Variants in HEATR5A observed in about 807,000 individuals in gnomAD.
The protein encoded by HEATR5A is HEAT repeat containing 5A, also known as HEAT repeat-containing protein 5A.
Under a neutral mutation model 218.8 loss-of-function variants are expected in HEATR5A, and 178 were observed. The ratio of observed to expected loss-of-function variants is 0.81; its 90% CI spans 0.72 to 0.92. The LOEUF is 0.92. HEATR5A is among the 40% of genes least tolerant of loss of function. The probability of loss-of-function intolerance (pLI) is 0.00; values close to 1 mark genes in which losing one functional copy is unlikely to be tolerated. For missense variants in HEATR5A, 2,420 were observed against 2,418.9 expected, an observed-to-expected ratio of 1.00 and a Z score of -0.01; for synonymous variants, 864 against 871.6, an observed-to-expected ratio of 0.99 and a Z score of 0.15.
At chr14:31,300,398 A>G (rs1899332035) in intron 33 of HEATR5A, among the ~76,000 whole-genome samples, 1 of 151,400 alleles carries the variant, frequency 6.6e-6, no homozygotes, top group Non-Finnish European at 1.5e-5. Context: ...AGCGATTCCT[A>G]GAATCCATTT....
At chr14:31,340,714 A>C (rs992984349) in intron 21 of HEATR5A, among the ~76,000 whole-genome samples, 1 of 152,242 alleles carries the variant, frequency 6.6e-6, no homozygotes, top group Non-Finnish European at 1.5e-5. Flanking sequence ...TAATTTTAAA[A>C]TGTACATGTG....
intron 22 of HEATR5A, among the ~76,000 whole-genome samples, chr14:31,337,186 G>A (rs902353548): frequency 2.6e-5 from 4 of 152,122 alleles, no homozygotes; most frequent in African/African-American, 7.2e-5. Context: ...AATACAGATT[G>A]CCAGGTAATA....
At chr14:31,394,342 T>C in intron 5 of HEATR5A, 116 bp from the exon 6 acceptor site, 1 of 530,806 alleles carries the variant, frequency 1.9e-6, no homozygotes, top group Non-Finnish European at 3.2e-6. Context: ...ATTCAAAGTA[T>C]CTATTATGAT....
At position 31,405,983 on chromosome 14, in the gene HEATR5A, T is replaced by A. The variant is rs1412738118; in HGVS notation, c.-74-2934A>T. On this transcript the variant is annotated intron_variant, in intron 1 of 35. Coordinates refer to ENST00000543095, the MANE Select transcript of HEATR5A (RefSeq NM_015473.4). ...ATTACTCCTAAAGGAAGTAGACAATTCATGTTGGTAATCTCGCATCTAAAA... is the reference window on the plus strand; with the variant it reads ...ATTACTCCTAAAGGAAGTAGACAATACATGTTGGTAATCTCGCATCTAAAA... 3.9e-5 allele frequency among the ~76,000 whole-genome samples: 6 copies of A among 152,178 alleles called. 1 individual carries two copies. Among genetic ancestry groups the A allele is most frequent in the Middle Eastern group, 3.2e-3 (1 of 316 alleles).
At chr14:31,368,912 A>T (rs1011371059) in intron 13 of HEATR5A, among the ~76,000 whole-genome samples, 1 of 152,142 alleles carries the variant, frequency 6.6e-6, no homozygotes, top group African/African-American at 2.4e-5. Flanking sequence ...AGAGTAAAAG[A>T]TTAATACATT....
At chr14:31,397,596 T>C (rs1475674501) in intron 4 of HEATR5A, among the ~76,000 whole-genome samples, 2 of 151,260 alleles carry the variant, frequency 1.3e-5, no homozygotes, top group African/African-American at 2.4e-5. Flanking sequence ...GAGGCGGAGA[T>C]TGTAGTGAGC....
Position 31,304,955 on chromosome 14 carries a change from GAA to G in HEATR5A, c.5187_5188del (p.Ala1731CysfsTer15). On this transcript the variant is annotated frameshift_variant, in exon 32 of 36. Coordinates refer to ENST00000543095, the MANE Select transcript of HEATR5A (RefSeq NM_015473.4). LOFTEE classifies it high-confidence loss of function. ...TTCGGAAAGGATAACCAATGCAGCTGAAACCAATCTACTTCCATCTTCTAATA... is the reference window on the plus strand; with the variant it reads ...TTCGGAAAGGATAACCAATGCAGCTGACCAATCTACTTCCATCTTCTAATA... 1 of 1,614,008 alleles carries G rather than the reference GAA, an allele frequency of 6.2e-7. No individual in the cohort carries two copies. The highest frequency in any genetic ancestry group is 8.5e-7 in the Non-Finnish European group (1 of 1,179,882).
At position 31,293,338 on chromosome 14, in the gene HEATR5A, G is replaced by GT; in HGVS notation, c.6107dup (p.Asn2036LysfsTer18). On this transcript the variant is annotated frameshift_variant, in exon 36 of 36. Coordinates refer to ENST00000543095, the MANE Select transcript of HEATR5A (RefSeq NM_015473.4). LOFTEE classifies it high-confidence loss of function. ...AACTGGTCTTTAATTGGATGCTTGA[G>GT]TTTTTTCCAGGACTCTTAGTATATT... 1.3e-6 allele frequency: 2 copies of GT among 1,595,706 alleles called. No homozygotes were observed. Among genetic ancestry groups the GT allele is most frequent in the Non-Finnish European group, 1.7e-6 (2 of 1,174,640 alleles).
chr14:31,330,869 T>C (rs866666170), intron 22 of HEATR5A, among the ~76,000 whole-genome samples: 2 of 151,382 alleles, frequency 1.3e-5, no homozygotes, highest in Non-Finnish European at 2.9e-5. Context: ...CCCCAGAAAA[T>C]GGGGTTTTCT....
At position 31,323,693 on chromosome 14, in the gene HEATR5A, T is replaced by C. The variant is rs1259244269; in HGVS notation, c.3659A>G (p.Asn1220Ser). 2 of 1,613,638 alleles carry C rather than the reference T, an allele frequency of 1.2e-6. No individual in the cohort carries two copies. The highest frequency in any genetic ancestry group is 1.7e-5 in the Admixed American group (1 of 59,968). The change falls in exon 24 of 36, where the codon AAT (asparagine) becomes AGT (serine). Residue 1220 changes from asparagine (N) to serine (S), a missense_variant. Asn to Ser is a conservative substitution (Grantham distance 46). Coordinates refer to ENST00000543095, the MANE Select transcript of HEATR5A (RefSeq NM_015473.4). ...RRDEKSHPFTNPRWATRVFAA... is the reference protein window; with the variant it reads ...RRDEKSHPFTSPRWATRVFAA... ...AAAGACTCTAGTAGCCCATCGGGGATTGGTAAAAGGATGGGATTTTTCATC... is the reference window on the plus strand; with the variant it reads ...AAAGACTCTAGTAGCCCATCGGGGACTGGTAAAAGGATGGGATTTTTCATC...
chr14:31,330,651 T>C lies in HEATR5A; in HGVS notation c.3368-4309A>G, dbSNP rs144312487. ...TAAAAAATACAACAAATTAACTGGG[T>C]GTGGTGGCAGGTGCCTGTAGTCCCA... On this transcript the variant is annotated intron_variant, in intron 22 of 35. Transcript: ENST00000543095. Among the ~76,000 whole-genome samples, 217 of 151,414 alleles carry C rather than the reference T, an allele frequency of 1.4e-3. 3 individuals carry two copies. In the East Asian group the frequency reaches 0.019, roughly 13 times the overall value.
intron 21 of HEATR5A, among the ~76,000 whole-genome samples, chr14:31,343,420 T>C (rs1197095211): frequency 3.3e-5 from 5 of 152,230 alleles, no homozygotes. Context: ...GAACTTCTGG[T>C]TGATGGCCTT....
chr14:31,304,992 G>A lies in HEATR5A; in HGVS notation c.5152C>T (p.Pro1718Ser), dbSNP rs1899509706. 2 of 1,613,900 alleles carry A rather than the reference G, an allele frequency of 1.2e-6. No individual in the cohort carries two copies. Among genetic ancestry groups the A allele is most frequent in the South Asian group, 1.1e-5 (1 of 91,072 alleles). Residue 1718 changes from proline (P) to serine (S), a missense_variant, in exon 32 of 36, where the codon CCA becomes TCA. Pro to Ser is a moderately conservative substitution (Grantham distance 74, BLOSUM62 -1). Transcript: ENST00000543095. Reference protein sequence around the residue: ...TGSPGVKATKPQILLEDGSRL... With the variant: ...TGSPGVKATKSQILLEDGSRL... ...CTTCCATCTTCTAATAGTATCTGTG[G>A]CTTCGTAGCTTTTACTCCTGGGCTA...
At chr14:31,387,429 C>T (rs2030273154) in intron 7 of HEATR5A, 54 bp from the exon 8 acceptor site, 2 of 1,282,146 alleles carry the variant, frequency 1.6e-6, no homozygotes, top group East Asian at 2.5e-5. Flanking sequence ...ATTCTGTATT[C>T]TCCCCCACAA....
chr14:31,323,494 A>C, intron 24 of HEATR5A, 71 bp downstream of exon 24: 2 of 1,212,490 alleles, frequency 1.6e-6, no homozygotes, highest in South Asian at 1.8e-5. Context: ...TTAATATTTT[A>C]AATATTAAAA....
intron 16 of HEATR5A, among the ~76,000 whole-genome samples, chr14:31,353,938 T>C (rs1191738116): frequency 6.6e-6 from 1 of 152,080 alleles, no homozygotes; most frequent in South Asian, 2.1e-4. Context: ...TAGCTGGGAC[T>C]ACAGGCGCCC....
At chr14:31,355,387 T>C (rs1252381762) in intron 16 of HEATR5A, among the ~76,000 whole-genome samples, 1 of 151,640 alleles carries the variant, frequency 6.6e-6, no homozygotes, top group Non-Finnish European at 1.5e-5. Flanking sequence ...CACTCCAGCC[T>C]GGTTGACAGA....
At chr14:31,307,738 T>G (rs1175458125) in intron 30 of HEATR5A, among the ~76,000 whole-genome samples, 155 bp downstream of exon 30, 1 of 152,172 alleles carries the variant, frequency 6.6e-6, no homozygotes, top group Non-Finnish European at 1.5e-5. Flanking sequence ...ACACATATGC[T>G]TATGGCATTC....
At chr14:31,363,020 T>C (rs529400869) in intron 14 of HEATR5A, among the ~76,000 whole-genome samples, 2 of 152,034 alleles carry the variant, frequency 1.3e-5, no homozygotes, top group Admixed American at 1.3e-4. Context: ...ATGGATCATA[T>C]GAGGTAAGGA....
Sources: gnomAD v4.1 joint callset for allele counts (sites outside exome capture counted in the v4.1 genomes callset) on GRCh38, gnomAD v4.1.1 for gene constraint, MANE v1.5 for transcripts, NCBI Gene and HGNC (gene_info 2026-07-23, HGNC 2026-07-21) for gene names.